The following RELN variants were observed in gnomAD, a reference collection of about 807,000 sequenced individuals.
The protein encoded by RELN is reelin.
RELN carries 108 observed loss-of-function variants against 427.6 expected under a neutral mutation model. The ratio of observed to expected loss-of-function variants is 0.25; its 90% CI spans 0.22 to 0.30. RELN has a LOEUF of 0.30. Among genes scored for constraint, RELN ranks in the 10% least tolerant of loss-of-function variants. The pLI is 1.00. For missense variants in RELN, 3,715 were observed against 4,302.8 expected, an observed-to-expected ratio of 0.86 and a Z score of 3.82; for synonymous variants, 1,524 against 1,513.4, an observed-to-expected ratio of 1.01 and a Z score of -0.16.
At chr7:103,975,717 T>G (rs1362607991) in intron 1 of RELN, among the ~76,000 whole-genome samples, 2 of 147,160 alleles carry the variant, frequency 1.4e-5, no homozygotes, top group Non-Finnish European at 3.0e-5. Flanking sequence ...GGCTGATTTT[T>G]TTTTTTTTTT....
At chr7:103,904,942 G>C (rs185568636) in intron 2 of RELN, among the ~76,000 whole-genome samples, 22 of 149,310 alleles carry the variant, frequency 1.5e-4, no homozygotes, top group African/African-American at 5.4e-4. Flanking sequence ...TGTAAGATAC[G>C]AGGCTGGACT....
intron 20 of RELN, among the ~76,000 whole-genome samples, chr7:103,614,803 A>T (rs1232913528): frequency 6.6e-6 from 1 of 152,212 alleles, no homozygotes; most frequent in Non-Finnish European, 1.5e-5. Context: ...ATCTATCCTG[A>T]TGCCTTAATC....
At chr7:103,630,295 T>G (rs1367131226) in intron 19 of RELN, 119 bp from the exon 20 acceptor site, 1 of 727,962 alleles carries the variant, frequency 1.4e-6, no homozygotes, top group South Asian at 1.7e-5. Context: ...CCCATGATTA[T>G]AAACATTTTT....
intron 50 of RELN, among the ~76,000 whole-genome samples, chr7:103,514,860 G>A (rs571101765): frequency 6.6e-6 from 1 of 152,178 alleles, no homozygotes; most frequent in South Asian, 2.1e-4. Flanking sequence ...CATTTGTTGG[G>A]CAGAAGATTT....
chr7:103,484,337 G>A (rs1175508590), intron 61 of RELN: 3 of 186,102 alleles, frequency 1.6e-5, no homozygotes, highest in Non-Finnish European at 3.4e-5. Flanking sequence ...GCAGGGGAGC[G>A]TAGCTACTTG....
At chr7:103,916,884 G>C (rs1795493313) in intron 2 of RELN, among the ~76,000 whole-genome samples, 191 bp downstream of exon 2, 1 of 152,044 alleles carries the variant, frequency 6.6e-6, no homozygotes, top group African/African-American at 2.4e-5. Context: ...CCAAGATCAA[G>C]GTTAGCTGCA....
chr7:103,670,901 T>C (rs983289326), intron 11 of RELN, among the ~76,000 whole-genome samples: 7 of 152,100 alleles, frequency 4.6e-5, no homozygotes, highest in Non-Finnish European at 1.0e-4. Flanking sequence ...ATCCAGAACA[T>C]ATTAAAACAC....
intron 1 of RELN, among the ~76,000 whole-genome samples, chr7:103,942,197 A>AG (rs1796129378): frequency 2.0e-5 from 3 of 152,194 alleles, no homozygotes; most frequent in Admixed American, 2.0e-4. Context: ...TCAAGGATAC[A>AG]ATAATTAATA....
chr7:103,739,804 A>G (rs559239835), intron 6 of RELN, among the ~76,000 whole-genome samples: 2 of 152,220 alleles, frequency 1.3e-5, no homozygotes, highest in Non-Finnish European at 2.9e-5. Flanking sequence ...GAAGGAATCT[A>G]TGCTCTGCAT....
intron 2 of RELN, among the ~76,000 whole-genome samples, chr7:103,907,415 GAAAA>G (rs941182837): frequency 2.7e-4 from 12 of 44,080 alleles, no homozygotes; most frequent in Non-Finnish European, 4.2e-4. Context: ...CAAGGCTCTG[GAAAA>G]AAAAAAAAAA....
intron 16 of RELN, 87 bp downstream of exon 16, chr7:103,650,187 A>G (rs2117385531): frequency 9.5e-6 from 8 of 846,154 alleles, no homozygotes; most frequent in South Asian, 9.4e-5. Context: ...CATGACTTAG[A>G]AATGTGATTA....
At chr7:103,862,221 A>C (rs149471456) in intron 2 of RELN, among the ~76,000 whole-genome samples, 1 of 152,172 alleles carries the variant, frequency 6.6e-6, no homozygotes. Context: ...CAGTATATGG[A>C]TCTGAAAGTG....
At chr7:103,841,892 G>T (rs892817593) in intron 2 of RELN, among the ~76,000 whole-genome samples, 8 of 152,172 alleles carry the variant, frequency 5.3e-5, no homozygotes, top group African/African-American at 1.4e-4. Context: ...ATTTGCCATG[G>T]TTAGTGTTAA....
chr7:103,828,382 A>G (rs536082337), intron 3 of RELN, among the ~76,000 whole-genome samples: 2 of 109,484 alleles, frequency 1.8e-5, no homozygotes, highest in East Asian at 3.4e-4. Context: ...CAAATGTTCA[A>G]ATATGATCCT....
Position 103,833,739 on chromosome 7 carries a change from AG to A in RELN, c.338-68del, listed in dbSNP as rs1340668965. 5.5e-6 allele frequency: 8 copies of A among 1,454,606 alleles called. No individual in the cohort carries two copies. In the African/African-American group the frequency reaches 1.1e-4, roughly 20 times the overall value. 90.1% of individuals were successfully genotyped at this position (1,454,606 alleles called of 1,614,324 possible). ...AAAGATCTTCCTATCATGGCATCACAGTATTTTCTGAATATTTTTCTTTCAT... is the reference window on the plus strand; with the variant it reads ...AAAGATCTTCCTATCATGGCATCACATATTTTCTGAATATTTTTCTTTCAT... On this transcript the variant is annotated intron_variant, in intron 2 of 64. Coordinates refer to ENST00000428762, the MANE Select transcript of RELN (RefSeq NM_005045.4).
At chr7:103,669,996 G>C (rs1382258513) in intron 11 of RELN, among the ~76,000 whole-genome samples, 1 of 152,040 alleles carries the variant, frequency 6.6e-6, no homozygotes, top group Non-Finnish European at 1.5e-5. Context: ...CTTAGAGATA[G>C]CAAGGTCACA....
Position 103,751,259 on chromosome 7 carries a change from G to A in RELN, c.578-1755C>T, listed in dbSNP as rs6956473. Among the ~76,000 whole-genome samples the A allele has an allele frequency of 7.1e-3, 1,074 of 152,216 alleles. 16 individuals carry two copies. The highest frequency in any genetic ancestry group is 0.025 in the African/African-American group (1,026 of 41,524). ...TCTCATAACTTTTTCTTTTAAAGGT[G>A]ATATTTTTATGTTTTTTAGGCTCAC... On this transcript the variant is annotated intron_variant, in intron 5 of 64. Coordinates refer to ENST00000428762, the MANE Select transcript of RELN (RefSeq NM_005045.4).
At chr7:103,661,288 T>C (rs1833133437) in intron 12 of RELN, 88 bp downstream of exon 12, 1 of 1,385,018 alleles carries the variant, frequency 7.2e-7, no homozygotes, top group South Asian at 1.2e-5. Flanking sequence ...TTTTACGTAG[T>C]TGACAACAAA....
chr7:103,534,280 T>C (rs1830002911), intron 46 of RELN, among the ~76,000 whole-genome samples: 1 of 152,216 alleles, frequency 6.6e-6, no homozygotes, highest in Non-Finnish European at 1.5e-5. Context: ...AAAACCATTT[T>C]CTTGGAGGAA....
Sources: gnomAD v4.1 joint callset for allele counts (sites outside exome capture counted in the v4.1 genomes callset) on GRCh38, gnomAD v4.1.1 for gene constraint, MANE v1.5 for transcripts, NCBI Gene and HGNC (gene_info 2026-07-23, HGNC 2026-07-21) for gene names.